Variants in SLC2A9 observed in about 807,000 individuals in gnomAD.
SLC2A9 encodes the protein solute carrier family 2, facilitated glucose transporter member 9.
A neutral mutation model predicts 50.6 loss-of-function variants in SLC2A9; 39 were observed. The ratio of observed to expected loss-of-function variants is 0.77; its 90% CI spans 0.60 to 1.01. SLC2A9 has a LOEUF of 1.01. SLC2A9 is among the 50% of genes least tolerant of loss of function. The pLI is 0.00. For missense variants in SLC2A9, 686 were observed against 677.6 expected (o/e 1.01, Z -0.14); for synonymous variants, 324 against 276.9 (o/e 1.17, Z -1.69).
intron 6 of SLC2A9, among the ~76,000 whole-genome samples, chr4:9,929,080 C>A (rs1353932047): frequency 6.6e-6 from 1 of 152,226 alleles, no homozygotes; most frequent in African/African-American, 2.4e-5. Context: ...TAATGAGGTT[C>A]ATTTTTGAGC....
chr4:10,031,234 G>A (rs1333489570), intron 1 of SLC2A9, among the ~76,000 whole-genome samples: 1 of 152,204 alleles, frequency 6.6e-6, no homozygotes, highest in East Asian at 1.9e-4. Context: ...AGACACAAAA[G>A]GATAGAGTTT....
chr4:9,982,017 G>A (rs6811909), intron 4 of SLC2A9, among the ~76,000 whole-genome samples: 2 of 152,080 alleles, frequency 1.3e-5, no homozygotes, highest in Non-Finnish European at 2.9e-5. Flanking sequence ...GAGTAGCTGG[G>A]ATTATAGGCA....
At chr4:9,954,409 G>C (rs1323306837) in intron 5 of SLC2A9, among the ~76,000 whole-genome samples, 6 of 152,246 alleles carry the variant, frequency 3.9e-5, no homozygotes, top group African/African-American at 1.4e-4. Context: ...CCACTCCTCT[G>C]GGCTACATAA....
intron 3 of SLC2A9, among the ~76,000 whole-genome samples, chr4:9,819,116 CAAAAAAAA>C (rs60751108): frequency 1.7e-5 from 1 of 57,374 alleles, no homozygotes; most frequent in African/African-American, 5.4e-5. Context: ...GAGACTGTCT[CAAAAAAAA>C]AAAAAAAAAA....
chr4:9,859,245 G>GA (rs1731224679), intron 10 of SLC2A9, among the ~76,000 whole-genome samples: 1 of 11,116 alleles, frequency 9.0e-5, no homozygotes, highest in African/African-American at 1.7e-3. Flanking sequence ...TCCCTCTAAA[G>GA]AACCCTATTA....
In SLC2A9 at chr4:9,996,769, C is replaced by A. The variant is rs750545078; in HGVS notation, c.410+12G>T. The A allele has an allele frequency of 6.2e-7, 1 of 1,612,966 alleles. No homozygotes were observed. Among genetic ancestry groups the A allele is most frequent in the South Asian group, 1.1e-5 (1 of 90,998 alleles). ...GGAGGGCACCCCCAGATAGAGACAG[C>A]CTCCTACTGACCTCCCAAGAACCTT... On this transcript the variant is annotated intron_variant, in intron 3 of 11. Transcript: ENST00000264784.
intron 6 of SLC2A9, among the ~76,000 whole-genome samples, chr4:9,931,962 C>CTATATATATACATA (rs1553878956): frequency 6.9e-5 from 1 of 14,588 alleles, no homozygotes; most frequent in Non-Finnish European, 1.1e-4. Context: ...CTCTCTCTCT[C>CTATATATATACATA]TATATATATA....
rs1741473689 is a variant in SLC2A9, at chr4:9,910,251, T to C, written c.1003-1906A>G. 2.0e-5 allele frequency among the ~76,000 whole-genome samples: 3 copies of C among 152,240 alleles called. No homozygotes were observed. In the South Asian group the frequency reaches 6.2e-4, roughly 32 times the overall value. On this transcript the variant is annotated intron_variant, in intron 7 of 11. Coordinates refer to ENST00000264784, the MANE Select transcript of SLC2A9 (RefSeq NM_020041.3). The stretch of plus-strand genomic sequence containing the variant: ...TTGAGTGAACGTTAGACTCCATCGT[T>C]AGCCTGAACCTTTGCTGTCACATCC...
intron 3 of SLC2A9, among the ~76,000 whole-genome samples, chr4:9,790,048 A>G (rs1047983196): frequency 3.8e-4 from 58 of 152,232 alleles, no homozygotes; most frequent in Non-Finnish European, 8.1e-4. Flanking sequence ...CATTTGAAAA[A>G]GGAGGAAAAG....
chr4:9,947,412 G>A (rs988395735), intron 5 of SLC2A9, among the ~76,000 whole-genome samples: 1 of 152,128 alleles, frequency 6.6e-6, no homozygotes, highest in Non-Finnish European at 1.5e-5. Flanking sequence ...CCCTGATAAG[G>A]GGGTGGGCTG....
chr4:9,896,332 GT>G (rs985000499), intron 8 of SLC2A9, among the ~76,000 whole-genome samples: 3 of 152,262 alleles, frequency 2.0e-5, no homozygotes, highest in Admixed American at 2.0e-4. Flanking sequence ...GTTGGTTTTA[GT>G]TTTAATTTCC....
Position 9,840,862 on chromosome 4 carries a change from C to T in SLC2A9, c.1292-5854G>A, listed in dbSNP as rs192132756. ...GGCTGCGGAGGCCTCAGGAAACTTA[C>T]AATCGTGGAGGAAGGCAAAGGGGAA... On this transcript the variant is annotated intron_variant, in intron 10 of 11. Coordinates refer to ENST00000264784, the MANE Select transcript of SLC2A9 (RefSeq NM_020041.3). Among the ~76,000 whole-genome samples the T allele has an allele frequency of 2.1e-3, 322 of 152,256 alleles. 1 individual carries two copies. Among genetic ancestry groups the T allele is most frequent in the Admixed American group, 4.3e-3 (65 of 15,282 alleles).
downstream of SLC2A9, among the ~76,000 whole-genome samples, chr4:9,824,320 A>G (rs1238771800): frequency 2.6e-5 from 4 of 152,308 alleles, no homozygotes; most frequent in East Asian, 7.7e-4. Context: ...AAAAAAAAAA[A>G]AAAGTTTGTT....
intron 10 of SLC2A9, chr4:9,880,431 G>A (rs145321082): frequency 6.1e-6 from 6 of 985,412 alleles, no homozygotes; most frequent in African/African-American, 1.7e-5. Context: ...CTGATGGGGA[G>A]CCCAGCATTT....
chr4:9,859,834 T>C (rs1356662125), intron 10 of SLC2A9, among the ~76,000 whole-genome samples: 1 of 152,330 alleles, frequency 6.6e-6, no homozygotes, highest in East Asian at 1.9e-4. Flanking sequence ...CTGCTCTCTT[T>C]GCAGAACCGG....
At chr4:9,870,479 G>T (rs1733237651) in intron 10 of SLC2A9, among the ~76,000 whole-genome samples, 1 of 152,174 alleles carries the variant, frequency 6.6e-6, no homozygotes, top group African/African-American at 2.4e-5. Context: ...GAAAACCCCA[G>T]CATACGCACC....
intron 10 of SLC2A9, among the ~76,000 whole-genome samples, chr4:9,851,533 A>C (rs1429007243): frequency 1.3e-5 from 2 of 152,224 alleles, no homozygotes; most frequent in Admixed American, 6.5e-5. Flanking sequence ...TTTTATCTCC[A>C]AATGACCACA....
chr4:9,781,741 C>G (rs796966952), intron 3 of SLC2A9: 1 of 359,092 alleles, frequency 2.8e-6, no homozygotes, highest in Non-Finnish European at 5.0e-6. Context: ...GTCCGGCGCG[C>G]TACAGACTCC....
intron 8 of SLC2A9, among the ~76,000 whole-genome samples, chr4:9,900,113 G>A (rs1309605349): frequency 6.6e-6 from 1 of 152,210 alleles, no homozygotes; most frequent in Non-Finnish European, 1.5e-5. Flanking sequence ...ATGTCCAGAT[G>A]ACTTAGGAGT....
Sources: allele counts gnomAD v4.1 joint callset (sites outside exome capture counted in the v4.1 genomes callset), GRCh38; gene constraint gnomAD v4.1.1; transcripts MANE v1.5; gene names NCBI Gene and HGNC (gene_info 2026-07-23, HGNC 2026-07-21).